The following CACNA1C variants were observed in gnomAD, a reference collection of about 807,000 sequenced individuals.
CACNA1C encodes voltage-dependent L-type calcium channel subunit alpha-1C.
CACNA1C carries 30 observed loss-of-function variants against 229.0 expected under a neutral mutation model. The observed-to-expected ratio is 0.13, with a 90% CI of 0.10 to 0.18. The LOEUF is 0.18. Ranked by LOEUF, CACNA1C falls within the 10% of genes least tolerant of loss-of-function variation. The probability of loss-of-function intolerance (pLI) is 1.00; values close to 1 mark genes in which losing one functional copy is unlikely to be tolerated. For synonymous variants in CACNA1C, 1,114 were observed against 1,132.5 expected, an observed-to-expected ratio of 0.98 and a Z score of 0.33; for missense variants, 1,658 against 2,845.0, an observed-to-expected ratio of 0.58 and a Z score of 9.49.
chr12:2,607,591 C>A (rs2075908766), intron 26 of CACNA1C, among the ~76,000 whole-genome samples: 1 of 152,228 alleles, frequency 6.6e-6, no homozygotes, highest in Non-Finnish European at 1.5e-5. Context: ...AAAGCCTTGC[C>A]TGTATTTACA....
intron 3 of CACNA1C, among the ~76,000 whole-genome samples, chr12:2,194,379 C>T (rs1051268963): frequency 1.3e-5 from 2 of 151,156 alleles, no homozygotes; most frequent in South Asian, 4.2e-4. Context: ...TCCCCTTCCC[C>T]TTCCTGCTCC....
At chr12:2,466,390 C>T (rs139775072) in intron 5 of CACNA1C, among the ~76,000 whole-genome samples, 2 of 152,306 alleles carry the variant, frequency 1.3e-5, no homozygotes, top group African/African-American at 4.8e-5. Context: ...TCCTGAACCT[C>T]GCTTGCAGTT....
In CACNA1C at chr12:2,378,877, G is replaced by T. The variant is rs1378335208; in HGVS notation, c.478-70099G>T. Among the ~76,000 whole-genome samples, 15 of 149,812 alleles carry T rather than the reference G, an allele frequency of 1.0e-4. No individual in the cohort carries two copies. In the South Asian group the frequency reaches 2.1e-3, roughly 21 times the overall value. On this transcript the variant is annotated intron_variant, in intron 3 of 46. Coordinates refer to ENST00000399655, the MANE Select transcript of CACNA1C (RefSeq NM_000719.7). ...CTTTTCTTTCCTTTCTTTGCCAATA[G>T]GCCACCGTAGTCAGTTTCATGTGTC...
At chr12:2,594,122 A>G (rs1047637303) in intron 19 of CACNA1C, among the ~76,000 whole-genome samples, 2 of 152,166 alleles carry the variant, frequency 1.3e-5, no homozygotes, top group African/African-American at 4.8e-5. Context: ...CTTTTAACAT[A>G]TTCTGTTGCC....
intron 6 of CACNA1C, among the ~76,000 whole-genome samples, chr12:2,492,758 A>C (rs929520518): frequency 6.6e-6 from 1 of 152,228 alleles, no homozygotes; most frequent in Non-Finnish European, 1.5e-5. Flanking sequence ...TGGTATTCCA[A>C]TACAAGTGTC....
intron 3 of CACNA1C, among the ~76,000 whole-genome samples, chr12:2,267,361 A>C (rs1314028570): frequency 6.6e-6 from 1 of 152,186 alleles, no homozygotes; most frequent in Non-Finnish European, 1.5e-5. Flanking sequence ...GGAGAGGTTA[A>C]GTGCTGTGCC....
At chr12:2,284,028 G>A (rs144127914) in intron 3 of CACNA1C, among the ~76,000 whole-genome samples, 2 of 152,254 alleles carry the variant, frequency 1.3e-5, no homozygotes, top group Non-Finnish European at 2.9e-5. Context: ...GTATACCCGG[G>A]TGAGGAGAGA....
At chr12:2,212,469 T>C (rs1028176247) in intron 3 of CACNA1C, among the ~76,000 whole-genome samples, 1 of 152,214 alleles carries the variant, frequency 6.6e-6, no homozygotes, top group Non-Finnish European at 1.5e-5. Flanking sequence ...TGCCCCAAAA[T>C]TCTGGATTTC....
chr12:2,220,236 C>G (rs886284419), intron 3 of CACNA1C, among the ~76,000 whole-genome samples: 1 of 152,172 alleles, frequency 6.6e-6, no homozygotes. Flanking sequence ...CTCCTTTGAG[C>G]TGAGCTTAAT....
In CACNA1C at chr12:2,108,116, G is replaced by A. The variant is rs1596065926; in HGVS notation, c.50-7108G>A. ...GAGCATTTCTATTACTGTAAATGTT[G>A]TATTGGACAGTGTTGCTATAGACTG... is the stretch of plus-strand genomic sequence containing the variant. On this transcript the variant is annotated intron_variant, in intron 1 of 46. Transcript: ENST00000399655. This position sits in a 1 kb window ranked among gnomAD's most constrained non-coding sequence, Gnocchi z 5.3. Among the ~76,000 whole-genome samples, 2 of 152,326 alleles carry A rather than the reference G, an allele frequency of 1.3e-5. No individual in the cohort carries two copies. The highest frequency in any genetic ancestry group is 2.1e-4 in the South Asian group (1 of 4,822).
chr12:2,472,176 G>A (rs1030160893), intron 5 of CACNA1C, among the ~76,000 whole-genome samples: 4 of 151,956 alleles, frequency 2.6e-5, no homozygotes, highest in Non-Finnish European at 5.9e-5. Flanking sequence ...GGACTTTTGG[G>A]GCCATCATTT....
chr12:2,504,364 A>G lies in CACNA1C; in HGVS notation c.1114-478A>G. 1 of 854,648 alleles carries G rather than the reference A, an allele frequency of 1.2e-6. No homozygotes were observed. 52.9% of individuals were successfully genotyped at this position (854,648 alleles called of 1,614,324 possible). A position where few individuals can be genotyped will look rare whatever the true frequency, so the allele number is the denominator to read the frequency against. ...CCGTCTGTCCCCTCCCAATCTGCTCACACCTGCTGCCTGCCTCTTTGCTGT... is the reference window on the plus strand; with the variant it reads ...CCGTCTGTCCCCTCCCAATCTGCTCGCACCTGCTGCCTGCCTCTTTGCTGT... On this transcript the variant is annotated intron_variant, in intron 7 of 46. Coordinates refer to ENST00000399655, the MANE Select transcript of CACNA1C (RefSeq NM_000719.7). The surrounding 1 kb of genome is among the most constrained non-coding windows in gnomAD (Gnocchi z 6.8).
intron 1 of CACNA1C, among the ~76,000 whole-genome samples, chr12:2,068,607 T>C (rs1032273004): frequency 6.6e-6 from 1 of 152,238 alleles, no homozygotes; most frequent in Non-Finnish European, 1.5e-5. Context: ...GACAGTCCAG[T>C]GGCCCCAAGT....
At chr12:2,205,285 C>G (rs937541953) in intron 3 of CACNA1C, among the ~76,000 whole-genome samples, 3 of 152,200 alleles carry the variant, frequency 2.0e-5, no homozygotes, top group Non-Finnish European at 2.9e-5. Context: ...TCCTGAGAGG[C>G]CAGGTGTCCA....
intron 1 of CACNA1C, among the ~76,000 whole-genome samples, chr12:1,974,788 A>G (rs1592888348): frequency 6.6e-6 from 1 of 152,208 alleles, no homozygotes. Flanking sequence ...ACACACTGAC[A>G]ACTATCACCA....
At chr12:2,518,470 C>T (rs981663719) in intron 9 of CACNA1C, among the ~76,000 whole-genome samples, 1 of 151,896 alleles carries the variant, frequency 6.6e-6, no homozygotes, top group Admixed American at 6.6e-5. Context: ...TAGCCAGGAG[C>T]GGTGGCGGGC....
intron 1 of CACNA1C, among the ~76,000 whole-genome samples, chr12:1,975,097 C>G (rs1377597538): frequency 6.6e-6 from 1 of 152,120 alleles, no homozygotes; most frequent in African/African-American, 2.4e-5. Flanking sequence ...GAGCCTAGTG[C>G]TACTTCCTGA....
intron 3 of CACNA1C, among the ~76,000 whole-genome samples, chr12:2,391,530 G>T (rs2154548786): frequency 6.6e-6 from 1 of 150,668 alleles, no homozygotes; most frequent in African/African-American, 2.4e-5. Flanking sequence ...AGGAAGCAGG[G>T]TCAAGCTGGG....
At chr12:1,972,038 G>A (rs1278044933) in intron 1 of CACNA1C, among the ~76,000 whole-genome samples, 1 of 152,226 alleles carries the variant, frequency 6.6e-6, no homozygotes, top group Non-Finnish European at 1.5e-5. Context: ...ATTTGGTAAT[G>A]TTCTTTCTAA....
Sources: allele counts gnomAD v4.1 joint callset (sites outside exome capture counted in the v4.1 genomes callset), GRCh38; gene constraint gnomAD v4.1.1; non-coding constraint Gnocchi (gnomAD v3.1); transcripts MANE v1.5; gene names NCBI Gene and HGNC (gene_info 2026-07-23, HGNC 2026-07-21).